The following GPHN variants were observed in gnomAD, a reference collection of about 807,000 sequenced individuals.
GPHN encodes the protein gephyrin.
GPHN carries 17 observed loss-of-function variants against 95.5 expected under a neutral mutation model. That is an observed-to-expected ratio of 0.18 (90% CI 0.12 to 0.27). The LOEUF is 0.27. Ranked by LOEUF, GPHN falls within the 10% of genes least tolerant of loss-of-function variation. The pLI is 1.00. For synonymous variants in GPHN, 320 were observed against 322.5 expected (o/e 0.99, Z 0.08); for missense variants, 660 against 978.1 (o/e 0.67, Z 4.34).
chr14:66,739,366 G>A (rs1200001249), intron 2 of GPHN, among the ~76,000 whole-genome samples: 12 of 151,370 alleles, frequency 7.9e-5, no homozygotes, highest in Non-Finnish European at 8.8e-5. Context: ...ACAGGCACCC[G>A]CCACCACGCC....
At chr14:67,010,634 A>T (rs576320380) in intron 9 of GPHN, among the ~76,000 whole-genome samples, 34 of 152,060 alleles carry the variant, frequency 2.2e-4, no homozygotes, top group African/African-American at 7.2e-5. Flanking sequence ...AATTTCCTAC[A>T]TGGAAAATTT....
chr14:66,628,872 G>A (rs2063621700), intron 1 of GPHN, among the ~76,000 whole-genome samples: 1 of 151,194 alleles, frequency 6.6e-6, no homozygotes, highest in Admixed American at 6.6e-5. Context: ...CCAGCATGGG[G>A]AAGATAATTA....
intron 3 of GPHN, among the ~76,000 whole-genome samples, chr14:66,796,556 G>T (rs1344094781): frequency 6.6e-6 from 1 of 151,580 alleles, no homozygotes; most frequent in Non-Finnish European, 1.5e-5. Flanking sequence ...TTTTACTTGG[G>T]GTGAGATCAT....
At chr14:67,157,465 G>C (rs573408214) in intron 18 of GPHN, among the ~76,000 whole-genome samples, 3 of 152,272 alleles carry the variant, frequency 2.0e-5, no homozygotes, top group Non-Finnish European at 4.4e-5. Context: ...ATAAAGGTGG[G>C]ATAGACAGTG....
At chr14:67,037,283 T>A (rs997650615) in intron 10 of GPHN, among the ~76,000 whole-genome samples, 1 of 151,818 alleles carries the variant, frequency 6.6e-6, no homozygotes, top group Non-Finnish European at 1.5e-5. Flanking sequence ...AAAAATTACC[T>A]CAAAATGGAT....
the GPHN span, among the ~76,000 whole-genome samples, chr14:67,244,564 A>G: frequency 8.5e-5 from 13 of 152,236 alleles, no homozygotes; most frequent in African/African-American, 2.4e-4. Context: ...AACTACCACA[A>G]TCAAGGTAAA....
the GPHN span, among the ~76,000 whole-genome samples, chr14:67,350,904 A>G: frequency 6.6e-6 from 1 of 152,262 alleles, no homozygotes; most frequent in Non-Finnish European, 1.5e-5. Flanking sequence ...ATTAAAACAG[A>G]ATAAATGCAT....
At chr14:67,500,861 G>T in the GPHN span, among the ~76,000 whole-genome samples, 1 of 151,844 alleles carries the variant, frequency 6.6e-6, no homozygotes, top group Admixed American at 6.6e-5. Flanking sequence ...ATGAGCCACC[G>T]CGCCTGGCCT....
chr14:67,044,252 G>A (rs979896677), intron 10 of GPHN, among the ~76,000 whole-genome samples: 5 of 151,996 alleles, frequency 3.3e-5, no homozygotes, highest in African/African-American at 1.2e-4. Context: ...CAGGAGAATT[G>A]CTTGAACCCA....
the GPHN span, chr14:67,301,326 C>A: frequency 2.1e-6 from 2 of 937,704 alleles, no homozygotes; most frequent in South Asian, 1.8e-5. Flanking sequence ...TATGACCCTG[C>A]ATACAGGTGC....
At chr14:66,592,793 T>A (rs1396299673) in intron 1 of GPHN, among the ~76,000 whole-genome samples, 1 of 152,172 alleles carries the variant, frequency 6.6e-6, no homozygotes, top group Non-Finnish European at 1.5e-5. Context: ...GCAGTCCCAT[T>A]ACTGGGTATA....
chr14:67,642,213 T>G, the GPHN span: 1 of 1,614,078 alleles, frequency 6.2e-7, no homozygotes, highest in South Asian at 1.1e-5. Context: ...TTTGGAGATT[T>G]GAGTTTTACT....
At chr14:67,598,101 TG>T in the GPHN span, among the ~76,000 whole-genome samples, 1 of 152,230 alleles carries the variant, frequency 6.6e-6, no homozygotes. Flanking sequence ...TAATTTGGGT[TG>T]GGGTTAAGCT....
intron 11 of GPHN, among the ~76,000 whole-genome samples, chr14:67,067,050 C>G (rs576053003): frequency 2.0e-5 from 3 of 152,264 alleles, no homozygotes; most frequent in African/African-American, 7.2e-5. Flanking sequence ...GCTCTGGATT[C>G]TCACCATCTT....
At chr14:67,390,713 A>C in the GPHN span, 1 of 1,613,818 alleles carries the variant, frequency 6.2e-7, no homozygotes, top group Middle Eastern at 1.6e-4. Flanking sequence ...CTTAGAACAA[A>C]GCGACGCACC....
chr14:67,224,798 T>C, the GPHN span: 5 of 255,416 alleles, frequency 2.0e-5, no homozygotes, highest in East Asian at 6.2e-4. Flanking sequence ...TCCATGTTCC[T>C]CTTAAATATT....
chr14:66,528,835 T>G (rs2058795979), intron 1 of GPHN, among the ~76,000 whole-genome samples: 1 of 152,236 alleles, frequency 6.6e-6, no homozygotes, highest in South Asian at 2.1e-4. Flanking sequence ...AGAGATCTGC[T>G]GTTAGTCTGA....
the GPHN span, among the ~76,000 whole-genome samples, chr14:67,670,618 C>T: frequency 3.0e-4 from 46 of 151,890 alleles, 1 homozygote; most frequent in African/African-American, 1.1e-3. Context: ...AATCTCTGCC[C>T]CCTGGGTTTA....
At chr14:67,626,922 A>G in the GPHN span, among the ~76,000 whole-genome samples, 2 of 152,228 alleles carry the variant, frequency 1.3e-5, no homozygotes, top group African/African-American at 2.4e-5. Flanking sequence ...ATGCTACAAC[A>G]TGGATGAACC....
Sources: allele counts gnomAD v4.1 joint callset (sites outside exome capture counted in the v4.1 genomes callset), GRCh38; gene constraint gnomAD v4.1.1; transcripts MANE v1.5; gene names NCBI Gene and HGNC (gene_info 2026-07-23, HGNC 2026-07-21).